Variants in PHACTR2 observed in about 807,000 individuals in gnomAD.
The protein encoded by PHACTR2 is chromosome 6 open reading frame 56.
A neutral mutation model predicts 76.0 loss-of-function variants in PHACTR2; 30 were observed. That is an observed-to-expected ratio of 0.39 (90% CI 0.30 to 0.54). The LOEUF (loss-of-function observed/expected upper bound fraction) is 0.54. PHACTR2 is among the 20% of genes least tolerant of loss of function. The probability of loss-of-function intolerance (pLI) is 0.61; values close to 1 mark genes in which losing one functional copy is unlikely to be tolerated. For missense variants in PHACTR2, 696 were observed against 781.1 expected (o/e 0.89, Z 1.30); for synonymous variants, 292 against 292.5 (o/e 1.00, Z 0.02).
At position 143,583,744 on chromosome 6, in the gene PHACTR2, G is replaced by A. The variant is rs1205791321; in HGVS notation, c.217+46537G>A. ...TACATTTGCTCACTACATGCTAGAT[G>A]CCAGACTATCATTTGTTGATTGGTT... On this transcript the variant is annotated intron_variant, in intron 1 of 11. Transcript: ENST00000367584. This position sits in a 1 kb window ranked among gnomAD's most constrained non-coding sequence, Gnocchi z 4.0. Among the ~76,000 whole-genome samples, 1 of 152,224 alleles carries A rather than the reference G, an allele frequency of 6.6e-6. No individual in the cohort carries two copies. Among genetic ancestry groups the A allele is most frequent in the Non-Finnish European group, 1.5e-5 (1 of 68,038 alleles).
At position 143,648,048 on chromosome 6, in the gene PHACTR2, G is replaced by A. The variant is rs146452823; in HGVS notation, c.13+39726G>A. Among the ~76,000 whole-genome samples, 11 of 152,298 alleles carry A rather than the reference G, an allele frequency of 7.2e-5. No homozygotes were observed. Among genetic ancestry groups the A allele is most frequent in the African/African-American group, 2.4e-4 (10 of 41,562 alleles). ...TGACCCGAGAGAGATGTATGGCTGCGACAGAGCCACAACAGTTGGGAACTG... is the reference window on the plus strand; with the variant it reads ...TGACCCGAGAGAGATGTATGGCTGCAACAGAGCCACAACAGTTGGGAACTG... On this transcript the variant is annotated intron_variant, in intron 1 of 11. Transcript: ENST00000305766. This position sits in a 1 kb window ranked among gnomAD's most constrained non-coding sequence, Gnocchi z 6.7.
chr6:143,685,521 A>G (rs1479061504), intron 1 of PHACTR2, among the ~76,000 whole-genome samples: 1 of 152,112 alleles, frequency 6.6e-6, no homozygotes, highest in Non-Finnish European at 1.5e-5. Flanking sequence ...ACTTGAATTA[A>G]CTTTTTAAAA....
At position 143,760,310 on chromosome 6, in the gene PHACTR2, C is replaced by T. The variant is rs1031258597; in HGVS notation, c.455-91C>T. 8.8e-5 allele frequency: 102 copies of T among 1,163,354 alleles called. No homozygotes were observed. Among genetic ancestry groups the T allele is most frequent in the African/African-American group, 1.2e-4 (8 of 64,688 alleles). The allele number at this position is 1,163,354 out of a possible 1,614,324, so 72.1% of individuals were successfully genotyped here. ...CTGATTCTCAAGTACCAAGCAGACA[C>T]GCTTTGTGTCACTATCGTCATGTCT... On this transcript the variant is annotated intron_variant, in intron 4 of 12. Transcript: ENST00000440869. This position sits in a 1 kb window ranked among gnomAD's most constrained non-coding sequence, Gnocchi z 6.4.
chr6:143,552,539 C>A (rs1735238336), intron 1 of PHACTR2, among the ~76,000 whole-genome samples: 7 of 152,188 alleles, frequency 4.6e-5, no homozygotes, highest in Admixed American at 4.6e-4. Flanking sequence ...TTAACATGAT[C>A]TTCTGTGCTC....
rs1254242383 is a variant in PHACTR2 at position 143,774,166 on chromosome 6, G to A, written c.1540G>A (p.Glu514Lys). ...CAAAAACATCTTGCAGCGTACATCTGAAGAAGAGAGGCAGGAAATCCGACA... is the reference window on the plus strand; with the variant it reads ...CAAAAACATCTTGCAGCGTACATCTAAAGAAGAGAGGCAGGAAATCCGACA... ...EDKNILQRTS[E>K]EERQEIRQQI... is the part of the protein sequence containing the mutation. Residue 514 changes from glutamate (E) to lysine (K), a missense_variant, in exon 8 of 13, where the codon GAA becomes AAA. Transcript: ENST00000440869. The surrounding 1 kb of genome is among the most constrained non-coding windows in gnomAD (Gnocchi z 5.4). 1 of 1,614,098 alleles carries A rather than the reference G, an allele frequency of 6.2e-7. No homozygotes were observed. The highest frequency in any genetic ancestry group is 2.2e-5 in the East Asian group (1 of 44,882).
rs927851395 is a variant in PHACTR2, at chr6:143,679,303, A to G, written c.46+1094A>G. Reference sequence around the variant, plus strand: ...CTTTGCTGAGGTTTCTGTTAATACCACAGAAGACCCTTCTGCAAAGAAGAG... The same window carrying G: ...CTTTGCTGAGGTTTCTGTTAATACCGCAGAAGACCCTTCTGCAAAGAAGAG... On this transcript the variant is annotated intron_variant, in intron 1 of 12. Coordinates refer to ENST00000440869, the MANE Select transcript of PHACTR2 (RefSeq NM_001100164.2). This position sits in a 1 kb window ranked among gnomAD's most constrained non-coding sequence, Gnocchi z 4.6. Among the ~76,000 whole-genome samples the G allele has an allele frequency of 2.6e-5, 4 of 152,168 alleles. No homozygotes were observed. Among genetic ancestry groups the G allele is most frequent in the African/African-American group, 9.7e-5 (4 of 41,430 alleles).
In PHACTR2 at chr6:143,738,955, T is replaced by A. The variant is rs767942660; in HGVS notation, c.215-10030T>A. On this transcript the variant is annotated intron_variant, in intron 2 of 12. Coordinates refer to ENST00000440869, the MANE Select transcript of PHACTR2 (RefSeq NM_001100164.2). This position sits in a 1 kb window ranked among gnomAD's most constrained non-coding sequence, Gnocchi z 4.0. ...TGAAAGCAGATCATGGAGAAGGGTG[T>A]TAGAAGTTCAGGCTCTCTGGAGCTT... Among the ~76,000 whole-genome samples the A allele has an allele frequency of 1.3e-5, 2 of 151,046 alleles. No homozygotes were observed. Among genetic ancestry groups the A allele is most frequent in the Non-Finnish European group, 3.0e-5 (2 of 67,674 alleles).
chr6:143,638,601 C>A (rs79204857), intron 1 of PHACTR2, among the ~76,000 whole-genome samples: 8,841 of 137,852 alleles, frequency 0.064, 275 homozygotes, highest in East Asian at 0.12. Context: ...ACACACACAC[C>A]CAGCTATCCA....
intron 1 of PHACTR2, among the ~76,000 whole-genome samples, chr6:143,612,431 T>TA (rs1731225810): frequency 6.6e-6 from 1 of 152,216 alleles, no homozygotes; most frequent in South Asian, 2.1e-4. Context: ...AGAGATCCAA[T>TA]AAGAATGCAT....
intron 1 of PHACTR2, among the ~76,000 whole-genome samples, chr6:143,586,125 A>C (rs185769574): frequency 6.6e-6 from 1 of 152,246 alleles, no homozygotes; most frequent in Non-Finnish European, 1.5e-5. Context: ...GCATGAAGAC[A>C]GACGATCATC....
Position 143,697,596 on chromosome 6 carries a change from T to A in PHACTR2, c.47-14420T>A, listed in dbSNP as rs905460546. On this transcript the variant is annotated intron_variant, in intron 1 of 12. Coordinates refer to ENST00000440869, the MANE Select transcript of PHACTR2 (RefSeq NM_001100164.2). This position sits in a 1 kb window ranked among gnomAD's most constrained non-coding sequence, Gnocchi z 4.4. The stretch of plus-strand genomic sequence containing the variant: ...AATGTCTGTACCATTCTTATGAGTG[T>A]TAATCATCCTTCCTGCTGGCTCTGA... 2.6e-5 allele frequency among the ~76,000 whole-genome samples: 4 copies of A among 152,230 alleles called. No homozygotes were observed. The East Asian group carries it at 5.8e-4, about 22-fold the overall frequency.
In PHACTR2 at chr6:143,641,509, G is replaced by A. The variant is rs1444550257; in HGVS notation, c.13+33187G>A. Reference sequence around the variant, plus strand: ...GATTTGTTTGTTTGTTTGTGTGTTTGTTGTTGTTGTTTTTGAGACAGAGTT... The same window carrying A: ...GATTTGTTTGTTTGTTTGTGTGTTTATTGTTGTTGTTTTTGAGACAGAGTT... On this transcript the variant is annotated intron_variant, in intron 1 of 11. Coordinates refer to the PHACTR2 transcript ENST00000305766. This position sits in a 1 kb window ranked among gnomAD's most constrained non-coding sequence, Gnocchi z 5.8. 1.3e-5 allele frequency among the ~76,000 whole-genome samples: 2 copies of A among 152,026 alleles called. No homozygotes were observed. The highest frequency in any genetic ancestry group is 4.8e-5 in the African/African-American group (2 of 41,404).
intron 2 of PHACTR2, 111 bp downstream of exon 2, chr6:143,712,294 T>G (rs1292501148): frequency 1.6e-6 from 1 of 613,364 alleles, no homozygotes; most frequent in Non-Finnish European, 2.5e-6. Context: ...AATCCGTATT[T>G]GAAATGAAAT....
At chr6:143,657,825 G>A (rs1776875801) in intron 1 of PHACTR2, among the ~76,000 whole-genome samples, 1 of 152,212 alleles carries the variant, frequency 6.6e-6, no homozygotes, top group South Asian at 2.1e-4. Flanking sequence ...TCCTTCTACA[G>A]GAAGGTGGTA....
At chr6:143,792,946 A>T in intron 11 of PHACTR2, among the ~76,000 whole-genome samples, 1 of 152,242 alleles carries the variant, frequency 6.6e-6, no homozygotes, top group East Asian at 1.9e-4. Context: ...AGCTTCAAGG[A>T]AAGGGGAATT....
rs5880566 is a variant in PHACTR2, at chr6:143,559,690, C to CTTTTTTTTTTTTTTTTTTTTTTTTTTT, written c.217+22493_217+22519dup. 1.6e-4 allele frequency among the ~76,000 whole-genome samples: 5 copies of CTTTTTTTTTTTTTTTTTTTTTTTTTTT among 31,904 alleles called. 1 individual carries two copies. Among genetic ancestry groups the CTTTTTTTTTTTTTTTTTTTTTTTTTTT allele is most frequent in the African/African-American group, 3.8e-4 (3 of 7,884 alleles). The allele number at this position is 31,904 out of a possible 152,430, so 20.9% of individuals were successfully genotyped here. ...TAAAAATACCAGTGATTTTTCTTTTCTTTTTTTTTTTTTTTTTTTTTTTTT... is the reference window on the plus strand; with the variant it reads ...TAAAAATACCAGTGATTTTTCTTTTCTTTTTTTTTTTTTTTTTTTTTTTTTTTTTTTTTTTTTTTTTTTTTTTTTTTT... On this transcript the variant is annotated intron_variant, in intron 1 of 11. Transcript: ENST00000367584.
intron 2 of PHACTR2, among the ~76,000 whole-genome samples, chr6:143,724,306 G>C (rs988910810): frequency 2.0e-5 from 3 of 151,822 alleles, no homozygotes; most frequent in Admixed American, 1.3e-4. Flanking sequence ...TAATTTTTTT[G>C]TATTTTTAGT....
Position 143,549,056 on chromosome 6 carries a change from C to T in PHACTR2, c.217+11849C>T, listed in dbSNP as rs933193313. 2.0e-5 allele frequency among the ~76,000 whole-genome samples: 3 copies of T among 151,880 alleles called. No homozygotes were observed. Among genetic ancestry groups the T allele is most frequent in the African/African-American group, 4.8e-5 (2 of 41,364 alleles). On this transcript the variant is annotated intron_variant, in intron 1 of 11. Transcript: ENST00000367584. This position sits in a 1 kb window ranked among gnomAD's most constrained non-coding sequence, Gnocchi z 4.2. The stretch of plus-strand genomic sequence containing the variant: ...GCCATGAAGACAGGCATTCTCTCCC[C>T]CCGACCCAGATTGACATGGTGCCTG...
chr6:143,799,306 A>G (rs924062802), intron 11 of PHACTR2, among the ~76,000 whole-genome samples: 3 of 152,040 alleles, frequency 2.0e-5, no homozygotes, highest in African/African-American at 7.3e-5. Context: ...CTGGCAGTCT[A>G]TCTATTTTGT....
Sources: gnomAD v4.1 joint callset for allele counts (sites outside exome capture counted in the v4.1 genomes callset) on GRCh38, gnomAD v4.1.1 for gene constraint, Gnocchi (gnomAD v3.1) non-coding constraint, MANE v1.5 for transcripts, NCBI Gene and HGNC (gene_info 2026-07-23, HGNC 2026-07-21) for gene names.